Variants in SLC75A1 observed in about 807,000 individuals in gnomAD.
The protein encoded by SLC75A1 is major facilitator superfamily domain containing 10.
the SLC75A1 span, chr4:2,933,548 GGCAC>G: frequency 6.2e-7 from 1 of 1,612,962 alleles, no homozygotes; most frequent in Non-Finnish European, 8.5e-7. Context: ...GCCCGCCAAG[GGCAC>G]AGAGCCAGCC....
chr4:2,933,602 G>A, the SLC75A1 span: 23 of 1,613,596 alleles, frequency 1.4e-5, no homozygotes, highest in Non-Finnish European at 5.9e-6. Context: ...CTTCTCCACT[G>A]GCATCCCGAT....
chr4:2,933,792 G>A, the SLC75A1 span: 12 of 1,593,900 alleles, frequency 7.5e-6, no homozygotes, highest in Admixed American at 1.2e-4. Flanking sequence ...CGGGCAGCAG[G>A]GGCAGCAGCA....
chr4:2,931,068 G>A, the SLC75A1 span: 32 of 1,603,412 alleles, frequency 2.0e-5, no homozygotes, highest in Admixed American at 2.6e-4. Context: ...CACCTGAAGC[G>A]GCCACCAGGG....
the SLC75A1 span, chr4:2,932,212 C>A: frequency 1.3e-6 from 2 of 1,557,956 alleles, no homozygotes; most frequent in Middle Eastern, 1.7e-4. Flanking sequence ...AACCCACGGA[C>A]TGTGGCCTCA....
chr4:2,933,456 C>G, the SLC75A1 span: 1 of 1,222,134 alleles, frequency 8.2e-7, no homozygotes, highest in African/African-American at 1.5e-5. Context: ...GACATGCCAG[C>G]CCAGGGAGTG....
the SLC75A1 span, chr4:2,933,935 C>A: frequency 1.9e-6 from 3 of 1,553,454 alleles, no homozygotes; most frequent in Non-Finnish European, 2.6e-6. Flanking sequence ...GTGGGCTGCT[C>A]TGACCTGGCC....
At chr4:2,931,411 G>A in the SLC75A1 span, 1 of 1,552,524 alleles carries the variant, frequency 6.4e-7, no homozygotes, top group Non-Finnish European at 8.7e-7. Context: ...CCCAGCACGG[G>A]CAGAGAACGT....
the SLC75A1 span, chr4:2,931,150 C>G: frequency 1.9e-6 from 3 of 1,562,808 alleles, no homozygotes; most frequent in Admixed American, 1.9e-5. Context: ...CCCTGGTGAG[C>G]CTGTGGGAAG....
the SLC75A1 span, among the ~76,000 whole-genome samples, chr4:2,933,394 G>A: frequency 2.0e-4 from 30 of 152,194 alleles, no homozygotes; most frequent in Non-Finnish European, 3.2e-4. Context: ...AACGTGACAC[G>A]CGGAGGCAAG....
the SLC75A1 span, chr4:2,931,243 G>A: frequency 2.4e-5 from 37 of 1,564,234 alleles, no homozygotes; most frequent in African/African-American, 1.2e-4. Flanking sequence ...CAGCGACCAC[G>A]GAGGACAGGC....
the SLC75A1 span, chr4:2,933,526 G>T: frequency 4.4e-6 from 7 of 1,601,608 alleles, no homozygotes; most frequent in Non-Finnish European, 6.0e-6. Flanking sequence ...ACCAAACATA[G>T]GACCGTAGAG....
chr4:2,932,604 C>T, the SLC75A1 span: 6 of 1,613,064 alleles, frequency 3.7e-6, no homozygotes, highest in African/African-American at 1.3e-5. Context: ...ACTTACCATG[C>T]CTTGACTGCG....
At chr4:2,934,229 G>A in the SLC75A1 span, 4 of 376,288 alleles carry the variant, frequency 1.1e-5, no homozygotes, top group Non-Finnish European at 1.9e-5. Flanking sequence ...CCACGGCCGC[G>A]CCTCCCACGC....
chr4:2,933,534 G>A, the SLC75A1 span: 8 of 1,608,848 alleles, frequency 5.0e-6, no homozygotes, highest in African/African-American at 9.3e-5. Context: ...TAGGACCGTA[G>A]AGAGCCCGCC....
At chr4:2,930,972 G>T in the SLC75A1 span, 1 of 1,612,842 alleles carries the variant, frequency 6.2e-7, no homozygotes, top group Non-Finnish European at 8.5e-7. Flanking sequence ...AGACGGTGGC[G>T]TCACCCAGTC....
the SLC75A1 span, chr4:2,932,789 G>T: frequency 6.5e-7 from 1 of 1,534,010 alleles, no homozygotes; most frequent in Non-Finnish European, 8.7e-7. Flanking sequence ...AGAGGCAGGG[G>T]CGGTCGCTTA....
chr4:2,931,296 G>T, the SLC75A1 span: 53 of 1,550,038 alleles, frequency 3.4e-5, no homozygotes, highest in African/African-American at 6.1e-4. Flanking sequence ...CATCGAGGAG[G>T]TGCCCGTCAG....
chr4:2,932,576 C>G, the SLC75A1 span: 1 of 1,612,622 alleles, frequency 6.2e-7, no homozygotes, highest in Non-Finnish European at 8.5e-7. Context: ...ACCAGGACCC[C>G]AAAGGCCCAG....
At chr4:2,933,906 A>AC in the SLC75A1 span, 6 of 1,567,312 alleles carry the variant, frequency 3.8e-6, no homozygotes, top group Middle Eastern at 2.0e-4. Context: ...TGCAGCCTCC[A>AC]CCCCCTCCCC....
Sources: gnomAD v4.1 joint callset for allele counts (sites outside exome capture counted in the v4.1 genomes callset) on GRCh38, gnomAD v4.1.1 for gene constraint, MANE v1.5 for transcripts, NCBI Gene and HGNC (gene_info 2026-07-23, HGNC 2026-07-21) for gene names.